PTPRCAP: variants seen among roughly 807,000 people sequenced by gnomAD.
The protein encoded by PTPRCAP is protein tyrosine phosphatase receptor type C associated protein, also known as protein tyrosine phosphatase receptor type C-associated protein.
For missense variants in PTPRCAP, 294 were observed against 285.5 expected (o/e 1.03, Z -0.22); for synonymous variants, 136 against 135.8 (o/e 1.00, Z -0.01).
In PTPRCAP at chr11:67,435,810, C is replaced by A. The variant is rs776785147; in HGVS notation, c.544G>T (p.Ala182Ser). The change falls in exon 2 of 2, where the codon GCC becomes TCC. Residue 182 changes from alanine (A) to serine (S), a missense_variant. Ala to Ser is a moderately conservative substitution (Grantham distance 99). Transcript: ENST00000326294. ...TCCCAGGCTGCGCTGCCAGCAAAGG[C>A]GTGCAGGTCACTCAGCAGGGCCTCA... ...SAEALLSDLH[A>S]FAGSAAWDDS... 2.1e-5 allele frequency: 34 copies of A among 1,600,480 alleles called. No homozygotes were observed. In the Admixed American group the frequency reaches 5.2e-4, roughly 25 times the overall value.
Position 67,436,196 on chromosome 11 carries a change from G to C in PTPRCAP, c.158C>G (p.Ala53Gly). The C allele has an allele frequency of 6.4e-7, 1 of 1,552,462 alleles. No individual in the cohort carries two copies. Among genetic ancestry groups the C allele is most frequent in the South Asian group, 1.2e-5 (1 of 84,868 alleles). The change falls in exon 2 of 2, where the codon GCC becomes GGC. Residue 53 changes from alanine to glycine, a missense_variant. Transcript: ENST00000326294. ...LLLLATGLAL[A>G]WRRLSRDSGG... ...TGAGTCACGGCTGAGGCGGCGCCAG[G>C]CCAGTGCTAGGCCAGTGGCCAGCAG...
At position 67,436,186 on chromosome 11, in the gene PTPRCAP, G is replaced by A. The variant is rs1343939205; in HGVS notation, c.168C>T (p.Arg56=). The change falls in exon 2 of 2, where the codon CGC becomes CGT. Residue 56 remains arginine, a synonymous_variant. Transcript: ENST00000326294. ...AGTAGCCCCCTGAGTCACGGCTGAG[G>A]CGGCGCCAGGCCAGTGCTAGGCCAG... is the stretch of plus-strand genomic sequence containing the variant. ...LATGLALAWR[R]LSRDSGGYYH... 1.3e-6 allele frequency: 2 copies of A among 1,554,426 alleles called. No individual in the cohort carries two copies. Among genetic ancestry groups the A allele is most frequent in the South Asian group, 1.2e-5 (1 of 85,044 alleles).
Position 67,437,637 on chromosome 11 carries a change from C to T in PTPRCAP, c.-18G>A, listed in dbSNP as rs373848571. On this transcript the variant is annotated 5_prime_UTR_variant, in exon 1 of 2. Transcript: ENST00000326294. ...CTTACCATTGGTCCGCAGGCCCCTC[C>T]GTGCCGGGCACCCACCTCCAGCTCT... is the stretch of plus-strand genomic sequence containing the variant. 16 of 1,366,890 alleles carry T rather than the reference C, an allele frequency of 1.2e-5. No homozygotes were observed. The highest frequency in any genetic ancestry group is 1.1e-4 in the East Asian group (4 of 36,226). The allele number at this position is 1,366,890 out of a possible 1,614,324, so 84.7% of individuals were successfully genotyped here. A position where few individuals can be genotyped will look rare whatever the true frequency, so the allele number is the denominator to read the frequency against.
In PTPRCAP at chr11:67,436,696, C is replaced by T. The variant is rs189734875; in HGVS notation, c.4-346G>A. The T allele has an allele frequency of 2.8e-4, 75 of 267,592 alleles. 2 individuals are homozygous for T. The highest frequency in any genetic ancestry group is 1.4e-3 in the African/African-American group (65 of 45,046). The allele number at this position is 267,592 out of a possible 1,614,324, so 16.6% of individuals were successfully genotyped here. On this transcript the variant is annotated intron_variant, in intron 1 of 1. Coordinates refer to ENST00000326294, the MANE Select transcript of PTPRCAP (RefSeq NM_005608.3). ...CCTGCTCACCGTGCTCAAACTTCAC[C>T]CCAGTGAGGCTGAACCTGACCTTAA...
chr11:67,437,524 T>C, intron 1 of PTPRCAP, 93 bp downstream of exon 1: 3 of 1,288,528 alleles, frequency 2.3e-6, no homozygotes, highest in South Asian at 5.9e-5. Flanking sequence ...CTGGGGCCAA[T>C]GTGGGGCCCT....
In PTPRCAP at chr11:67,436,227, G is replaced by A. The variant is rs1864271201; in HGVS notation, c.127C>T (p.Leu43Phe). 2 of 1,537,536 alleles carry A rather than the reference G, an allele frequency of 1.3e-6. No individual in the cohort carries two copies. Among genetic ancestry groups the A allele is most frequent in the Admixed American group, 2.0e-5 (1 of 50,440 alleles). Residue 43 changes from leucine (L) to phenylalanine (F), a missense_variant, in exon 2 of 2, where the codon CTC (leucine) becomes TTC (phenylalanine). Physicochemically the swap from Leu to Phe is conservative, Grantham distance 22. Coordinates refer to ENST00000326294, the MANE Select transcript of PTPRCAP (RefSeq NM_005608.3). Reference sequence around the variant, plus strand: ...GCTAGGCCAGTGGCCAGCAGTAGGAGCAGCAGCAGCAGCAGGACAACGGTG... The same window carrying A: ...GCTAGGCCAGTGGCCAGCAGTAGGAACAGCAGCAGCAGCAGGACAACGGTG... Reference protein sequence around the residue: ...SVTVVLLLLLLLLLATGLALA... With the variant: ...SVTVVLLLLLFLLLATGLALA...
rs1286802425 is a variant in PTPRCAP, at chr11:67,435,927, C to A, written c.427G>T (p.Val143Phe). The change falls in exon 2 of 2, where the codon GTC (valine) becomes TTC (phenylalanine). Residue 143 changes from valine to phenylalanine, a missense_variant. Coordinates refer to ENST00000326294, the MANE Select transcript of PTPRCAP (RefSeq NM_005608.3). The stretch of plus-strand genomic sequence containing the variant: ...CTGGCTTCCTCAGCCCGCACGGGGA[C>A]CTGCTCTGGGCTGGACGCCTCTCCA... ...QCGEASSPEQ[V>F]PVRAEEARDS... 6.2e-7 allele frequency: 1 copy of A among 1,613,220 alleles called. No individual in the cohort carries two copies. Among genetic ancestry groups the A allele is most frequent in the East Asian group, 2.2e-5 (1 of 44,884 alleles).
In PTPRCAP at chr11:67,437,662, T is replaced by C. The variant is rs1864314312; in HGVS notation, c.-43A>G. On this transcript the variant is annotated 5_prime_UTR_variant, in exon 1 of 2. Coordinates refer to ENST00000326294, the MANE Select transcript of PTPRCAP (RefSeq NM_005608.3). ...CGTGCCGGGCACCCACCTCCAGCTC[T>C]GGCTGTGTCGAGCGAGAAGTGAGCT... 1.5e-6 allele frequency: 2 copies of C among 1,355,426 alleles called. No individual in the cohort carries two copies. The highest frequency in any genetic ancestry group is 2.2e-5 in the South Asian group (1 of 45,474). 84.0% of individuals were successfully genotyped at this position (1,355,426 alleles called of 1,614,324 possible).
At position 67,436,208 on chromosome 11, in the gene PTPRCAP, C is replaced by T; in HGVS notation, c.146G>A (p.Gly49Asp). Residue 49 changes from glycine (G) to aspartate (D), a missense_variant, in exon 2 of 2, where the codon GGC (glycine) becomes GAC (aspartate). Physicochemically the swap from Gly to Asp is moderately conservative, Grantham distance 94. Coordinates refer to ENST00000326294, the MANE Select transcript of PTPRCAP (RefSeq NM_005608.3). The part of the protein sequence containing the change: ...LLLLLLLLAT[G>D]LALAWRRLSR... ...GAGGCGGCGCCAGGCCAGTGCTAGG[C>T]CAGTGGCCAGCAGTAGGAGCAGCAG... 1.9e-6 allele frequency: 3 copies of T among 1,550,968 alleles called. No individual in the cohort carries two copies. The highest frequency in any genetic ancestry group is 1.7e-6 in the Non-Finnish European group (2 of 1,150,208).
intron 1 of PTPRCAP, chr11:67,437,203 TG>T (rs1190986476): frequency 2.4e-4 from 34 of 141,186 alleles, no homozygotes; most frequent in Admixed American, 3.7e-4. Context: ...GGCCGGGGGC[TG>T]GGGGGGGCTG....
At position 67,436,259 on chromosome 11, in the gene PTPRCAP, C is replaced by T; in HGVS notation, c.95G>A (p.Ser32Asn). The T allele has an allele frequency of 6.5e-7, 1 of 1,544,510 alleles. No homozygotes were observed. The highest frequency in any genetic ancestry group is 8.7e-7 in the Non-Finnish European group (1 of 1,149,106). Residue 32 changes from serine (S) to asparagine (N), a missense_variant, in exon 2 of 2, where the codon AGC (serine) becomes AAC (asparagine). Transcript: ENST00000326294. Reference protein sequence around the residue: ...GGSAEDSVGSSSVTVVLLLLL... With the variant: ...GGSAEDSVGSNSVTVVLLLLL... ...CAGCAGCAGGACAACGGTGACAGAGCTGGAGCCCACGCTGTCCTCCGCGCT... is the reference window on the plus strand; with the variant it reads ...CAGCAGCAGGACAACGGTGACAGAGTTGGAGCCCACGCTGTCCTCCGCGCT...
intron 1 of PTPRCAP, 94 bp downstream of exon 1, chr11:67,437,523 A>G (rs1384270948): frequency 3.6e-5 from 46 of 1,286,060 alleles, no homozygotes; most frequent in Non-Finnish European, 4.1e-5. Flanking sequence ...CCTGGGGCCA[A>G]TGTGGGGCCC....
At chr11:67,436,411 C>G (rs1830361166) in intron 1 of PTPRCAP, 61 bp from the exon 2 acceptor site, 1 of 1,419,370 alleles carries the variant, frequency 7.0e-7, no homozygotes. Context: ...TGGTGTGGGG[C>G]AGGCTGGGTG....
At chr11:67,436,386 ACCTGGGGTGGGG>A (rs370951738) in intron 1 of PTPRCAP, 36 bp from the exon 2 acceptor site, 104 of 1,429,832 alleles carry the variant, frequency 7.3e-5, no homozygotes, top group African/African-American at 3.9e-4. Context: ...AGGGCTCAGC[ACCTGGGGTGGGG>A]CCTGGTGTGG....
chr11:67,435,617 T>C lies in PTPRCAP; in HGVS notation c.*116A>G, dbSNP rs1590981719. On this transcript the variant is annotated 3_prime_UTR_variant, in exon 2 of 2. Transcript: ENST00000326294. ...CATGGACTTGGGAACTGGTAGGGGGTGACAGTCTGAGGCATGGTCATGTGG... is the reference window on the plus strand; with the variant it reads ...CATGGACTTGGGAACTGGTAGGGGGCGACAGTCTGAGGCATGGTCATGTGG... 1 of 1,434,876 alleles carries C rather than the reference T, an allele frequency of 7.0e-7. No homozygotes were observed. Among genetic ancestry groups the C allele is most frequent in the African/African-American group, 1.4e-5 (1 of 69,746 alleles). 88.9% of individuals were successfully genotyped at this position (1,434,876 alleles called of 1,614,324 possible). A position where few individuals can be genotyped will look rare whatever the true frequency, so the allele number is the denominator to read the frequency against.
At chr11:67,437,588 C>G (rs771704733) in intron 1 of PTPRCAP, 29 bp downstream of exon 1, 1 of 1,347,400 alleles carries the variant, frequency 7.4e-7, no homozygotes, top group Non-Finnish European at 9.6e-7. Context: ...GGCCCCCATC[C>G]CAAGAACCCG....
Position 67,435,736 on chromosome 11 carries a change from C to A in PTPRCAP, c.618G>T (p.Leu206=). 1 of 1,527,200 alleles carries A rather than the reference C, an allele frequency of 6.5e-7. No homozygotes were observed. Among genetic ancestry groups the A allele is most frequent in the Middle Eastern group, 1.8e-4 (1 of 5,644 alleles). The allele number at this position is 1,527,200 out of a possible 1,614,324, so 94.6% of individuals were successfully genotyped here. Residue 206 remains leucine, a synonymous_variant, in exon 2 of 2, where the codon CTG becomes CTT. Transcript: ENST00000326294. ...GATGGGACACCAAGACCGGCCTCTA[C>A]AGTGCGGTGACATGGAGGCCCTGGC... ...AGGQGLHVTA[L]
In PTPRCAP at chr11:67,436,282, G is replaced by T; in HGVS notation, c.72C>A (p.Ser24Arg). 1 of 1,536,692 alleles carries T rather than the reference G, an allele frequency of 6.5e-7. No homozygotes were observed. Reference protein sequence around the residue: ...ALPGALGSGGSAEDSVGSSSV... With the variant: ...ALPGALGSGGRAEDSVGSSSV... Reference sequence around the variant, plus strand: ...AGCTGGAGCCCACGCTGTCCTCCGCGCTGCCACCCGAGCCCAAGGCCCCTG... The same window carrying T: ...AGCTGGAGCCCACGCTGTCCTCCGCTCTGCCACCCGAGCCCAAGGCCCCTG... The change falls in exon 2 of 2, where the codon AGC (serine) becomes AGA (arginine). Residue 24 changes from serine (S) to arginine (R), a missense_variant. Coordinates refer to ENST00000326294, the MANE Select transcript of PTPRCAP (RefSeq NM_005608.3).
Position 67,435,918 on chromosome 11 carries a change from G to A in PTPRCAP, c.436C>T (p.Arg146Trp), listed in dbSNP as rs150223900. Reference sequence around the variant, plus strand: ...TCACTGTCTCTGGCTTCCTCAGCCCGCACGGGGACCTGCTCTGGGCTGGAC... The same window carrying A: ...TCACTGTCTCTGGCTTCCTCAGCCCACACGGGGACCTGCTCTGGGCTGGAC... ...EASSPEQVPV[R>W]AEEARDSDTE... The change falls in exon 2 of 2, where the codon CGG becomes TGG. Residue 146 changes from arginine to tryptophan, a missense_variant. Transcript: ENST00000326294. 7.8e-4 allele frequency: 1,261 copies of A among 1,612,782 alleles called. 5 individuals carry two copies. Among genetic ancestry groups the A allele is most frequent in the Non-Finnish European group, 8.8e-4 (1,037 of 1,179,702 alleles).
Sources: allele counts gnomAD v4.1 joint callset, GRCh38; gene constraint gnomAD v4.1.1; transcripts MANE v1.5; gene names NCBI Gene and HGNC (gene_info 2026-07-23, HGNC 2026-07-21).